The following MYRIP variants were observed in gnomAD, a reference collection of about 807,000 sequenced individuals.
MYRIP encodes the protein rab effector MyRIP.
Under a neutral mutation model 98.0 loss-of-function variants are expected in MYRIP, and 49 were observed. The ratio of observed to expected loss-of-function variants is 0.50; its 90% CI spans 0.40 to 0.63. MYRIP has a LOEUF of 0.63. Among genes scored for constraint, MYRIP ranks in the 30% least tolerant of loss-of-function variants. MYRIP has a pLI of 0.00. For missense variants in MYRIP, 1,004 were observed against 1,058.2 expected (o/e 0.95, Z 0.71); for synonymous variants, 404 against 409.5 (o/e 0.99, Z 0.16).
At chr3:39,930,206 A>T (rs963617413) in intron 2 of MYRIP, among the ~76,000 whole-genome samples, 4 of 152,014 alleles carry the variant, frequency 2.6e-5, no homozygotes, top group Admixed American at 2.6e-4. Context: ...TCACATACTC[A>T]TCAATACTCA....
chr3:40,010,713 C>T (rs1296890770), intron 2 of MYRIP, among the ~76,000 whole-genome samples: 2 of 152,146 alleles, frequency 1.3e-5, no homozygotes, highest in South Asian at 2.1e-4. Flanking sequence ...TCTAAGCTGC[C>T]ATACCTCCCC....
chr3:40,200,865 C>T (rs1463288891), intron 10 of MYRIP, among the ~76,000 whole-genome samples: 2 of 152,196 alleles, frequency 1.3e-5, no homozygotes, highest in Non-Finnish European at 2.9e-5. Flanking sequence ...CATTAAGGCC[C>T]AGGTTCTGAA....
chr3:39,863,369 G>A (rs974128711), intron 1 of MYRIP, among the ~76,000 whole-genome samples: 4 of 151,792 alleles, frequency 2.6e-5, no homozygotes, highest in African/African-American at 2.4e-5. Flanking sequence ...TCCAGGAGTA[G>A]TTCTTTGAAA....
chr3:40,060,722 GC>G (rs1398360039), intron 3 of MYRIP, among the ~76,000 whole-genome samples: 37 of 150,644 alleles, frequency 2.5e-4, no homozygotes, highest in African/African-American at 9.1e-4. Flanking sequence ...CTCCCTAGTA[GC>G]TGGGATTACA....
chr3:40,024,191 G>A (rs1575472854), intron 2 of MYRIP, among the ~76,000 whole-genome samples: 1 of 152,064 alleles, frequency 6.6e-6, no homozygotes, highest in African/African-American at 2.4e-5. Flanking sequence ...ACTTTTCTTG[G>A]GCTACTGCTC....
At position 40,017,693 on chromosome 3, in the gene MYRIP, C is replaced by CTT. The variant is rs904657247; in HGVS notation, c.111-26337_111-26336dup. ...AAATAAATAAAGAAATAATTTACTT[C>CTT]TTTTTTTTTTTTTTTTTTTTTGTCT... On this transcript the variant is annotated intron_variant, in intron 2 of 16. Coordinates refer to ENST00000302541, the MANE Select transcript of MYRIP (RefSeq NM_015460.4). 8.6e-3 allele frequency among the ~76,000 whole-genome samples: 991 copies of CTT among 114,788 alleles called. 19 individuals carry two copies. The highest frequency in any genetic ancestry group is 0.027 in the African/African-American group (830 of 30,354). 75.3% of individuals were successfully genotyped at this position (114,788 alleles called of 152,430 possible).
intron 2 of MYRIP, among the ~76,000 whole-genome samples, chr3:39,998,618 G>T (rs2125782208): frequency 6.6e-6 from 1 of 152,262 alleles, no homozygotes; most frequent in East Asian, 1.9e-4. Flanking sequence ...GTAATTTACA[G>T]ATTCAATGCC....
At chr3:40,125,427 C>T (rs1040124500) in intron 3 of MYRIP, among the ~76,000 whole-genome samples, 10 of 152,294 alleles carry the variant, frequency 6.6e-5, no homozygotes, top group Non-Finnish European at 1.5e-4. Context: ...TTCCTTTTCA[C>T]ATTTTTCTGC....
intron 2 of MYRIP, among the ~76,000 whole-genome samples, chr3:39,938,259 A>G (rs990561078): frequency 1.3e-5 from 2 of 152,166 alleles, no homozygotes; most frequent in Non-Finnish European, 2.9e-5. Context: ...ATATAAATAT[A>G]TCCTCTTTCG....
chr3:40,012,012 G>A (rs933961105), intron 2 of MYRIP, among the ~76,000 whole-genome samples: 4 of 152,048 alleles, frequency 2.6e-5, no homozygotes, highest in Admixed American at 1.3e-4. Flanking sequence ...ATAAAATGAA[G>A]CTATATTAAT....
At position 40,167,226 on chromosome 3, in the gene MYRIP, C is replaced by G; in HGVS notation, c.716C>G (p.Thr239Arg). Residue 239 changes from threonine (T) to arginine (R), a missense_variant, in exon 7 of 17, where the codon ACA becomes AGA. Coordinates refer to ENST00000302541, the MANE Select transcript of MYRIP (RefSeq NM_015460.4). The stretch of plus-strand genomic sequence containing the variant: ...GAGCTAACTGAGGAACTGGCCACGA[C>G]AATCCTGCAGAAGGTAGGTGGGTCC... ...KEELTEELAT[T>R]ILQKIIRKQK... The G allele has an allele frequency of 1.9e-6, 3 of 1,614,162 alleles. No homozygotes were observed. Among genetic ancestry groups the G allele is most frequent in the Non-Finnish European group, 2.5e-6 (3 of 1,180,016 alleles).
At chr3:40,116,800 C>A (rs1949292340) in intron 3 of MYRIP, among the ~76,000 whole-genome samples, 2 of 152,308 alleles carry the variant, frequency 1.3e-5, no homozygotes. Flanking sequence ...ATCCCAAAAA[C>A]CGTTAAAATG....
chr3:40,001,975 T>C (rs1009383891), intron 2 of MYRIP, among the ~76,000 whole-genome samples: 12 of 152,180 alleles, frequency 7.9e-5, no homozygotes, highest in African/African-American at 2.9e-4. Context: ...TGGAAGGTGA[T>C]ACCAGGTCCT....
At chr3:40,204,000 TTATATATTA>T (rs1559451336) in intron 10 of MYRIP, among the ~76,000 whole-genome samples, 3 of 664 alleles carry the variant, frequency 4.5e-3, no homozygotes, top group African/African-American at 7.0e-3. Context: ...ATTATATATA[TTATATATTA>T]TATATAATAT....
Position 39,918,130 on chromosome 3 carries a change from G to T in MYRIP, c.110+17204G>T, listed in dbSNP as rs541619734. On this transcript the variant is annotated intron_variant, in intron 2 of 16. Coordinates refer to ENST00000302541, the MANE Select transcript of MYRIP (RefSeq NM_015460.4). ...TTTAGTAGAGACGGGGTTTCACCGT[G>T]GTCTCGATCTCCTGACCTCGTGATC... is the stretch of plus-strand genomic sequence containing the variant. Among the ~76,000 whole-genome samples, 28 of 152,058 alleles carry T rather than the reference G, an allele frequency of 1.8e-4. No homozygotes were observed. In the South Asian group the frequency reaches 5.2e-3, roughly 28 times the overall value.
At chr3:40,216,158 G>A (rs1442532738) in intron 11 of MYRIP, among the ~76,000 whole-genome samples, 1 of 152,184 alleles carries the variant, frequency 6.6e-6, no homozygotes, top group Non-Finnish European at 1.5e-5. Flanking sequence ...CCTCTAAAAT[G>A]CAGGCATTAC....
chr3:40,142,145 C>A (rs1949914694), intron 3 of MYRIP, among the ~76,000 whole-genome samples: 1 of 150,088 alleles, frequency 6.7e-6, no homozygotes. Context: ...CTCTGCCTCC[C>A]AGGTTCAAAT....
chr3:40,031,905 G>A lies in MYRIP; in HGVS notation c.111-12145G>A, dbSNP rs183763018. Among the ~76,000 whole-genome samples, 409 of 152,102 alleles carry A rather than the reference G, an allele frequency of 2.7e-3. 4 individuals are homozygous for A. The highest frequency in any genetic ancestry group is 9.1e-3 in the African/African-American group (378 of 41,478). ...TTCTTCTTTATTAGTCTTGCTAGCC[G>A]TCTATCAATTTTGTTGATCCTTTCA... On this transcript the variant is annotated intron_variant, in intron 2 of 16. Transcript: ENST00000302541.
At chr3:40,027,164 C>T (rs1021820907) in intron 2 of MYRIP, among the ~76,000 whole-genome samples, 4 of 152,114 alleles carry the variant, frequency 2.6e-5, no homozygotes, top group Non-Finnish European at 5.9e-5. Context: ...TGAACAGCTT[C>T]ACTCCCCACG....
Sources: gnomAD v4.1 joint callset for allele counts (sites outside exome capture counted in the v4.1 genomes callset) on GRCh38, gnomAD v4.1.1 for gene constraint, MANE v1.5 for transcripts, NCBI Gene and HGNC (gene_info 2026-07-23, HGNC 2026-07-21) for gene names.